The following PARD3B variants were observed in gnomAD, a reference collection of about 807,000 sequenced individuals.
PARD3B encodes partitioning defective 3 homolog B.
PARD3B carries 103 observed loss-of-function variants against 130.2 expected under a neutral mutation model. The ratio of observed to expected loss-of-function variants is 0.79; its 90% confidence interval spans 0.67 to 0.93. PARD3B has a LOEUF of 0.93. PARD3B is among the 40% of genes least tolerant of loss of function. The pLI, the probability that PARD3B is intolerant of heterozygous loss-of-function variation, is 0.00. For synonymous variants in PARD3B, 583 were observed against 553.2 expected, an observed-to-expected ratio of 1.05 and a Z score of -0.76; for missense variants, 1,609 against 1,499.2, an observed-to-expected ratio of 1.07 and a Z score of -1.21.
chr2:205,296,804 A>G (rs1477818945), intron 16 of PARD3B, among the ~76,000 whole-genome samples: 5 of 151,752 alleles, frequency 3.3e-5, no homozygotes, highest in Non-Finnish European at 5.9e-5. Context: ...CCTCTACTCT[A>G]TATAGGACCA....
intron 2 of PARD3B, among the ~76,000 whole-genome samples, chr2:204,953,442 G>A (rs1206445664): frequency 6.6e-6 from 1 of 150,740 alleles, no homozygotes; most frequent in Non-Finnish European, 1.5e-5. Flanking sequence ...GAGAGAGAGA[G>A]AGAGAGAGAG....
rs1055083910 is a variant in PARD3B, at chr2:205,105,727, C to T, written c.593+1213C>T. Among the ~76,000 whole-genome samples, 15 of 151,388 alleles carry T rather than the reference C, an allele frequency of 9.9e-5. No homozygotes were observed. The highest frequency in any genetic ancestry group is 4.4e-5 in the Non-Finnish European group (3 of 67,910). On this transcript the variant is annotated intron_variant, in intron 5 of 22. Transcript: ENST00000406610. This position sits in a 1 kb window ranked among gnomAD's most constrained non-coding sequence, Gnocchi z 4.0. ...GCTGATACAGAGGATCACTTGAGTG[C>T]AGGAGTTCGAGTCCATCTTGCAACA...
At chr2:205,117,339 G>A (rs903047692) in intron 6 of PARD3B, among the ~76,000 whole-genome samples, 4 of 152,198 alleles carry the variant, frequency 2.6e-5, no homozygotes, top group Non-Finnish European at 4.4e-5. Context: ...CTATGACCCT[G>A]AGCCTTCCCT....
At position 204,643,248 on chromosome 2, in the gene PARD3B, C is replaced by T. The variant is rs767749524; in HGVS notation, c.121-42933C>T. Among the ~76,000 whole-genome samples the T allele has an allele frequency of 6.6e-5, 10 of 151,946 alleles. No individual in the cohort carries two copies. The South Asian group carries it at 8.3e-4, about 13-fold the overall frequency. On this transcript the variant is annotated intron_variant, in intron 1 of 22. Transcript: ENST00000406610. ...GTAAGTTTCCTGAGGCCTCCCTAGC[C>T]GTGCCTCCTGTACAGTCCGTGGATC...
chr2:204,942,065 C>G (rs1025351782), intron 2 of PARD3B, among the ~76,000 whole-genome samples: 3 of 152,064 alleles, frequency 2.0e-5, no homozygotes, highest in Non-Finnish European at 2.9e-5. Flanking sequence ...ATCTGAGTAG[C>G]TAATCAGTAA....
intron 18 of PARD3B, among the ~76,000 whole-genome samples, chr2:205,379,634 A>C (rs1383349741): frequency 1.3e-5 from 2 of 152,172 alleles, no homozygotes; most frequent in African/African-American, 4.8e-5. Context: ...TAATTAGCAA[A>C]ATTGGCTAAT....
chr2:205,565,035 C>T lies in PARD3B; in HGVS notation c.3260+11632C>T, dbSNP rs114754745. On this transcript the variant is annotated intron_variant, in intron 22 of 22. Coordinates refer to ENST00000406610, the MANE Select transcript of PARD3B (RefSeq NM_001302769.2). ...CACGCGCCATTCTCCACCAACAGTA[C>T]ACTCTGGGACATCATTAGTACCCTT... Among the ~76,000 whole-genome samples the T allele has an allele frequency of 9.0e-3, 1,368 of 152,272 alleles. 13 individuals carry two copies. Among genetic ancestry groups the T allele is most frequent in the African/African-American group, 0.022 (896 of 41,556 alleles).
At chr2:205,192,100 A>G (rs76360814) in intron 14 of PARD3B, among the ~76,000 whole-genome samples, 3,993 of 152,318 alleles carry the variant, frequency 0.026, 167 homozygotes, top group African/African-American at 0.089. Flanking sequence ...TTATTGCTGC[A>G]TACTAATTTT....
In PARD3B at chr2:205,194,957, T is replaced by TG. The variant is rs2036595514; in HGVS notation, c.2140+1637_2140+1638insG. The stretch of plus-strand genomic sequence containing the variant: ...TGCCACCACGCCAGGCTAATTTTTT[T>TG]TTTTTTTTTTTTTGTATTTTTAGTA... On this transcript the variant is annotated intron_variant, in intron 15 of 22. Transcript: ENST00000406610. 6.4e-5 allele frequency among the ~76,000 whole-genome samples: 9 copies of TG among 140,542 alleles called. No homozygotes were observed. In the South Asian group the frequency reaches 1.8e-3, roughly 28 times the overall value. 92.2% of individuals were successfully genotyped at this position (140,542 alleles called of 152,430 possible).
At chr2:204,657,106 C>G (rs2125177486) in intron 1 of PARD3B, among the ~76,000 whole-genome samples, 1 of 152,298 alleles carries the variant, frequency 6.6e-6, no homozygotes, top group Middle Eastern at 3.4e-3. Flanking sequence ...TGCACAGATT[C>G]CATCCCACTG....
At chr2:204,830,554 T>C (rs774109558) in intron 2 of PARD3B, among the ~76,000 whole-genome samples, 6 of 152,202 alleles carry the variant, frequency 3.9e-5, no homozygotes, top group Non-Finnish European at 8.8e-5. Context: ...GTATATTTTC[T>C]AAGAAACTAT....
rs978187480 is a variant in PARD3B, at chr2:204,678,200, G to A, written c.121-7981G>A. On this transcript the variant is annotated intron_variant, in intron 1 of 22. Coordinates refer to ENST00000406610, the MANE Select transcript of PARD3B (RefSeq NM_001302769.2). The surrounding 1 kb of genome is among the most constrained non-coding windows in gnomAD (Gnocchi z 4.2). ...GGGAGCACGCAGGTGAGCAGGTGCAGGACCTGGGGCAAGTGCCTTTAGGTG... is the reference window on the plus strand; with the variant it reads ...GGGAGCACGCAGGTGAGCAGGTGCAAGACCTGGGGCAAGTGCCTTTAGGTG... 3.9e-5 allele frequency among the ~76,000 whole-genome samples: 6 copies of A among 152,168 alleles called. No individual in the cohort carries two copies. The highest frequency in any genetic ancestry group is 1.4e-4 in the African/African-American group (6 of 41,434).
chr2:205,040,541 T>C (rs942118273), intron 3 of PARD3B, among the ~76,000 whole-genome samples: 2 of 152,200 alleles, frequency 1.3e-5, no homozygotes, highest in Non-Finnish European at 2.9e-5. Flanking sequence ...AGGTGCTGAC[T>C]AGTTGCAAAG....
intron 21 of PARD3B, among the ~76,000 whole-genome samples, chr2:205,548,695 A>G (rs1192210620): frequency 1.3e-5 from 2 of 152,158 alleles, no homozygotes; most frequent in Non-Finnish European, 2.9e-5. Context: ...GAAAATCTAG[A>G]TGACCTAGGG....
intron 14 of PARD3B, among the ~76,000 whole-genome samples, chr2:205,191,077 A>G (rs1240027764): frequency 9.1e-6 from 1 of 110,210 alleles, no homozygotes; most frequent in Non-Finnish European, 1.8e-5. Context: ...AAGAAATAGA[A>G]AAAAAAAAAA....
chr2:205,031,186 T>C (rs1189986824), intron 3 of PARD3B, among the ~76,000 whole-genome samples: 2 of 152,172 alleles, frequency 1.3e-5, no homozygotes, highest in East Asian at 3.9e-4. Flanking sequence ...CACTGGCATA[T>C]CTGAGAATTC....
intron 1 of PARD3B, among the ~76,000 whole-genome samples, chr2:204,604,279 G>T (rs1267317607): frequency 1.3e-5 from 2 of 152,104 alleles, no homozygotes; most frequent in Non-Finnish European, 2.9e-5. Context: ...GGAAGGGTGA[G>T]GGGTTATTCA....
chr2:204,605,778 A>G (rs2033698875), intron 1 of PARD3B, among the ~76,000 whole-genome samples: 1 of 152,214 alleles, frequency 6.6e-6, no homozygotes, highest in Non-Finnish European at 1.5e-5. Flanking sequence ...AAGAGGATAT[A>G]CAATGTCATT....
intron 2 of PARD3B, among the ~76,000 whole-genome samples, chr2:204,909,064 G>A (rs1202613770): frequency 6.6e-6 from 1 of 152,078 alleles, no homozygotes; most frequent in Non-Finnish European, 1.5e-5. Context: ...TTATTACCAG[G>A]AGTTTAGGGA....
Sources: gnomAD v4.1 joint callset for allele counts (sites outside exome capture counted in the v4.1 genomes callset) on GRCh38, gnomAD v4.1.1 for gene constraint, Gnocchi (gnomAD v3.1) non-coding constraint, MANE v1.5 for transcripts, NCBI Gene and HGNC (gene_info 2026-07-23, HGNC 2026-07-21) for gene names.